The following VPS13C variants were observed in gnomAD, a reference collection of about 807,000 sequenced individuals.
VPS13C encodes the protein intermembrane lipid transfer protein VPS13C.
In VPS13C, 358 loss-of-function variants were observed where a neutral mutation model predicts 456.8. The ratio of observed to expected loss-of-function variants is 0.78; its 90% CI spans 0.72 to 0.86. The LOEUF (loss-of-function observed/expected upper bound fraction) is 0.86, where lower values mean the gene tolerates loss of function less well. Among genes scored for constraint, VPS13C ranks in the 40% least tolerant of loss-of-function variants. The pLI is 0.00. For synonymous variants in VPS13C, 1,578 were observed against 1,486.7 expected, an observed-to-expected ratio of 1.06 and a Z score of -1.41; for missense variants, 4,818 against 4,385.4, an observed-to-expected ratio of 1.10 and a Z score of -2.79.
chr15:61,927,281 A>G lies in VPS13C; in HGVS notation c.6326T>C (p.Ile2109Thr). ...VRPNMTLKAM[I>T]TDPEVVFVAS... ...AACAAATACCACTTCTGGATCTGTGATCATGGCCTTTAAAGTCATATTTGG... is the reference window on the plus strand; with the variant it reads ...AACAAATACCACTTCTGGATCTGTGGTCATGGCCTTTAAAGTCATATTTGG... Residue 2109 changes from isoleucine (I) to threonine (T), a missense_variant, in exon 52 of 85, where the codon ATC (isoleucine) becomes ACC (threonine). By Grantham distance (89) the Ile-to-Thr change is moderately conservative. This residue lies in a region of VPS13C where 4,552 missense variants were observed against 4,130.6 expected (regional missense o/e 1.10). Transcript: ENST00000644861. 6.2e-7 allele frequency: 1 copy of G among 1,614,208 alleles called. No homozygotes were observed. Among genetic ancestry groups the G allele is most frequent in the Non-Finnish European group, 8.5e-7 (1 of 1,180,022 alleles).
At chr15:61,980,437 A>G (rs2045846445) in intron 22 of VPS13C, among the ~76,000 whole-genome samples, 1 of 152,128 alleles carries the variant, frequency 6.6e-6, no homozygotes, top group Non-Finnish European at 1.5e-5. Flanking sequence ...GAGTGTTCTG[A>G]CAAAGTCAGC....
chr15:61,909,270 C>A (rs1168340011), intron 64 of VPS13C, 145 bp from the exon 65 acceptor site: 2 of 971,400 alleles, frequency 2.1e-6, no homozygotes, highest in Non-Finnish European at 3.0e-6. Flanking sequence ...TACAGTGGCG[C>A]CATCTCGGGT....
chr15:61,910,846 C>T (rs1218591481), intron 63 of VPS13C, among the ~76,000 whole-genome samples: 2 of 151,912 alleles, frequency 1.3e-5, no homozygotes, highest in Non-Finnish European at 2.9e-5. Context: ...AGATTTCATT[C>T]CTAATACAAA....
chr15:62,003,476 T>G (rs942472796), intron 15 of VPS13C, among the ~76,000 whole-genome samples: 1 of 152,098 alleles, frequency 6.6e-6, no homozygotes, highest in Non-Finnish European at 1.5e-5. Flanking sequence ...CAGGGACAAT[T>G]TGACTTCCTC....
chr15:62,044,231 T>C lies in VPS13C; in HGVS notation c.125A>G (p.Gln42Arg). ...ACTTACCAGGGCATTTTCTTTTATC[T>C]GTAGATTATCTAAAGCCACATTTCC... ...WGGNVALDNL[Q>R]IKENALSELD... Residue 42 changes from glutamine (Q) to arginine (R), a missense_variant, in exon 2 of 85, where the codon CAG becomes CGG. By Grantham distance (43) the Gln-to-Arg change is conservative (BLOSUM62 1). Around this residue, in one of 3 missense-constraint regions of VPS13C, gnomAD observed 4,552 missense variants for 4,130.6 expected, o/e 1.10. Transcript: ENST00000644861. 1.3e-6 allele frequency: 2 copies of C among 1,484,046 alleles called. No individual in the cohort carries two copies. The highest frequency in any genetic ancestry group is 1.8e-4 in the Middle Eastern group (1 of 5,708). 91.9% of individuals were successfully genotyped at this position (1,484,046 alleles called of 1,614,324 possible).
intron 66 of VPS13C, among the ~76,000 whole-genome samples, chr15:61,895,422 T>G (rs144543072): frequency 6.6e-6 from 1 of 152,072 alleles, no homozygotes; most frequent in Non-Finnish European, 1.5e-5. Flanking sequence ...ACAAAAAGTT[T>G]TTTGAAAAGA....
chr15:62,044,098 C>T (rs2048327595), intron 2 of VPS13C, 114 bp downstream of exon 2: 2 of 672,208 alleles, frequency 3.0e-6, no homozygotes, highest in Admixed American at 7.6e-5. Context: ...CAAGTAATCC[C>T]TTGAGTGATT....
intron 5 of VPS13C, among the ~76,000 whole-genome samples, chr15:62,029,306 C>T (rs925112508): frequency 1.3e-5 from 2 of 152,126 alleles, no homozygotes; most frequent in African/African-American, 4.8e-5. Context: ...ACTACTTTCA[C>T]TGTCATTACC....
chr15:61,982,655 A>T (rs887841381), intron 20 of VPS13C, 82 bp from the exon 21 acceptor site: 2 of 912,086 alleles, frequency 2.2e-6, no homozygotes, highest in Non-Finnish European at 3.4e-6. Flanking sequence ...CCTCAATTCT[A>T]AACAGCTGTA....
At chr15:61,944,018 G>A (rs150186506) in intron 45 of VPS13C, among the ~76,000 whole-genome samples, 283 of 151,486 alleles carry the variant, frequency 1.9e-3, no homozygotes, top group African/African-American at 6.5e-3. Context: ...CATACAAGGA[G>A]CCAACAAACA....
At chr15:61,990,729 TG>T (rs1337356623) in intron 18 of VPS13C, among the ~76,000 whole-genome samples, 1 of 152,112 alleles carries the variant, frequency 6.6e-6, no homozygotes, top group African/African-American at 2.4e-5. Flanking sequence ...GAGAATCACT[TG>T]AACCCAGGAG....
chr15:61,911,298 T>A (rs1048867132), intron 63 of VPS13C, among the ~76,000 whole-genome samples: 2 of 152,198 alleles, frequency 1.3e-5, no homozygotes, highest in Non-Finnish European at 1.5e-5. Context: ...CTTTTATCTT[T>A]TGATCTATAA....
At chr15:62,009,165 T>A (rs1010592971) in intron 13 of VPS13C, among the ~76,000 whole-genome samples, 3 of 152,334 alleles carry the variant, frequency 2.0e-5, no homozygotes, top group South Asian at 4.1e-4. Flanking sequence ...ATATTTTTCC[T>A]CTGGATCATC....
chr15:61,909,439 C>T (rs2043238900), intron 64 of VPS13C, among the ~76,000 whole-genome samples: 2 of 152,190 alleles, frequency 1.3e-5, no homozygotes, highest in South Asian at 2.1e-4. Flanking sequence ...GAACTCCTGA[C>T]CTAGTGATCA....
At chr15:61,999,379 C>CAA (rs200452220) in intron 16 of VPS13C, among the ~76,000 whole-genome samples, 128 of 116,068 alleles carry the variant, frequency 1.1e-3, no homozygotes, top group African/African-American at 3.8e-3. Context: ...GACTCCATCT[C>CAA]AAAAAAAAAA....
In VPS13C at chr15:61,972,747, A is replaced by C; in HGVS notation, c.2635T>G (p.Phe879Val). The change falls in exon 27 of 85, where the codon TTT becomes GTT. Residue 879 changes from phenylalanine to valine, a missense_variant. Transcript: ENST00000644861. ...TVESESDDEYFDAEDGEPQTC... is the reference protein window; with the variant it reads ...TVESESDDEYVDAEDGEPQTC... ...TGTGGTTCTCCATCTTCAGCATCAA[A>C]ATACTCATCATCAGACTCTAAAGGA... The C allele has an allele frequency of 6.2e-7, 1 of 1,611,726 alleles. No individual in the cohort carries two copies. Among genetic ancestry groups the C allele is most frequent in the Non-Finnish European group, 8.5e-7 (1 of 1,178,960 alleles).
In VPS13C at chr15:61,983,993, G is replaced by C; in HGVS notation, c.1741C>G (p.His581Asp). The C allele has an allele frequency of 6.2e-7, 1 of 1,613,514 alleles. No individual in the cohort carries two copies. Among genetic ancestry groups the C allele is most frequent in the East Asian group, 2.2e-5 (1 of 44,866 alleles). ...TGTCTCAAACCTGTTATATACCAGT[G>C]TTCTAATTTCGCTTCTACCCTATAA... Reference protein sequence around the residue: ...QALKVEAKLEHWYITGLRQQD... With the variant: ...QALKVEAKLEDWYITGLRQQD... Residue 581 changes from histidine (H) to aspartate (D), a missense_variant, in exon 20 of 85, where the codon CAC (histidine) becomes GAC (aspartate). By Grantham distance (81) the His-to-Asp change is moderately conservative. This residue lies in a region of VPS13C where 4,552 missense variants were observed against 4,130.6 expected (regional missense o/e 1.10). Transcript: ENST00000644861.
At chr15:61,956,485 T>TG (rs1299715203) in intron 37 of VPS13C, among the ~76,000 whole-genome samples, 1 of 151,624 alleles carries the variant, frequency 6.6e-6, no homozygotes. Flanking sequence ...AAATAAAAAT[T>TG]GGGAAAAAAA....
chr15:61,968,018 G>A (rs890791853), intron 28 of VPS13C, among the ~76,000 whole-genome samples: 1 of 151,796 alleles, frequency 6.6e-6, no homozygotes, highest in Non-Finnish European at 1.5e-5. Context: ...TGACTTCCAA[G>A]GGCATAACCT....
Sources: allele counts gnomAD v4.1 joint callset (sites outside exome capture counted in the v4.1 genomes callset), GRCh38; gene constraint gnomAD v4.1.1; regional missense constraint gnomAD v4.1.1; transcripts MANE v1.5; gene names NCBI Gene and HGNC (gene_info 2026-07-23, HGNC 2026-07-21).